IGFL2: variants seen among roughly 807,000 people sequenced by gnomAD.
IGFL2 encodes insulin growth factor-like family member 2.
IGFL2 carries 7 observed loss-of-function variants against 13.9 expected under a neutral mutation model. That is an observed-to-expected ratio of 0.51 (90% CI 0.29 to 0.95). The LOEUF (loss-of-function observed/expected upper bound fraction) is 0.95. Among genes scored for constraint, IGFL2 ranks in the 40% least tolerant of loss-of-function variants. The pLI is 0.08. For synonymous variants in IGFL2, 55 were observed against 55.8 expected, an observed-to-expected ratio of 0.99 and a Z score of 0.07; for missense variants, 138 against 147.8, an observed-to-expected ratio of 0.93 and a Z score of 0.34.
chr19:46,202,024 G>A, the IGFL2 span, among the ~76,000 whole-genome samples: 1 of 152,130 alleles, frequency 6.6e-6, no homozygotes, highest in Non-Finnish European at 1.5e-5. Context: ...GAAGAACTGG[G>A]ACCTCGCTTG....
At chr19:46,131,692 A>T in the IGFL2 span, among the ~76,000 whole-genome samples, 6 of 152,346 alleles carry the variant, frequency 3.9e-5, no homozygotes, top group East Asian at 1.2e-3. Context: ...TAATCGCAGC[A>T]CTTTGGGTGG....
At chr19:46,103,055 A>G in the IGFL2 span, among the ~76,000 whole-genome samples, 1 of 152,142 alleles carries the variant, frequency 6.6e-6, no homozygotes, top group Non-Finnish European at 1.5e-5. Context: ...CAAATAAGAG[A>G]AGGAGAAAAA....
chr19:46,188,413 C>T, the IGFL2 span, among the ~76,000 whole-genome samples: 3 of 151,932 alleles, frequency 2.0e-5, no homozygotes, highest in South Asian at 2.1e-4. Flanking sequence ...TTCCTGTGAC[C>T]GCCCCCCCCA....
downstream of IGFL2, among the ~76,000 whole-genome samples, chr19:46,163,566 G>A (rs563803538): frequency 8.7e-4 from 132 of 152,238 alleles, 2 homozygotes; most frequent in Middle Eastern, 0.017. Context: ...TGAATAAAGC[G>A]CTTAGGGCCT....
the IGFL2 span, among the ~76,000 whole-genome samples, chr19:46,185,087 A>G: frequency 2.6e-5 from 4 of 151,778 alleles, no homozygotes; most frequent in Admixed American, 6.6e-5. Flanking sequence ...CTACTTTTTG[A>G]TGGGGTTTTT....
the IGFL2 span, among the ~76,000 whole-genome samples, chr19:46,187,360 A>G: frequency 2.1e-5 from 3 of 140,940 alleles, no homozygotes; most frequent in Non-Finnish European, 3.1e-5. Flanking sequence ...ACCCGTTTAA[A>G]CCTGAGGTTG....
Position 46,155,055 on chromosome 19 carries a change from C to T in IGFL2, c.20-5360C>T, listed in dbSNP as rs561133020. 8.0e-4 allele frequency among the ~76,000 whole-genome samples: 122 copies of T among 152,208 alleles called. No homozygotes were observed. The Middle Eastern group carries it at 0.017, about 21-fold the overall frequency. On this transcript the variant is annotated intron_variant, in intron 1 of 3. Coordinates refer to ENST00000377693, the MANE Select transcript of IGFL2 (RefSeq NM_001135113.2). ...AGGGGGTGGTAGCTGCTCCTCTTCT[C>T]GGTTTGCCCTTTCTTGTGTGGAACC...
At chr19:46,180,071 A>G in the IGFL2 span, among the ~76,000 whole-genome samples, 1 of 152,206 alleles carries the variant, frequency 6.6e-6, no homozygotes, top group South Asian at 2.1e-4. Flanking sequence ...TATGAGAAAC[A>G]GGAATGCTGC....
At chr19:46,197,687 G>A in the IGFL2 span, among the ~76,000 whole-genome samples, 1 of 151,492 alleles carries the variant, frequency 6.6e-6, no homozygotes, top group African/African-American at 2.4e-5. Flanking sequence ...GTGCACCACT[G>A]TGCCCAGCTA....
At chr19:46,189,960 T>G in the IGFL2 span, 1 of 152,186 alleles carries the variant, frequency 6.6e-6, no homozygotes, top group South Asian at 2.1e-4. Flanking sequence ...TAACACGTCC[T>G]GGGTTGACAG....
chr19:46,192,780 C>G, the IGFL2 span, among the ~76,000 whole-genome samples: 2 of 152,096 alleles, frequency 1.3e-5, no homozygotes, highest in African/African-American at 4.8e-5. Flanking sequence ...TGGAGTCATC[C>G]CAGCCTTTCT....
the IGFL2 span, among the ~76,000 whole-genome samples, chr19:46,091,557 T>C: frequency 1.3e-5 from 2 of 152,246 alleles, no homozygotes; most frequent in Admixed American, 1.3e-4. Context: ...GATAACCTAT[T>C]GTTATATCCT....
the IGFL2 span, among the ~76,000 whole-genome samples, chr19:46,201,107 A>G: frequency 6.6e-6 from 1 of 152,246 alleles, no homozygotes; most frequent in African/African-American, 2.4e-5. Context: ...GCAATGGAGA[A>G]GGAGAACACG....
At chr19:46,154,734 C>G (rs1370117152) in intron 1 of IGFL2, among the ~76,000 whole-genome samples, 1 of 152,204 alleles carries the variant, frequency 6.6e-6, no homozygotes, top group Admixed American at 6.5e-5. Flanking sequence ...CAGGCGTGAG[C>G]CACTGCGCCC....
At chr19:46,108,850 A>G in the IGFL2 span, among the ~76,000 whole-genome samples, 1 of 152,342 alleles carries the variant, frequency 6.6e-6, no homozygotes, top group Admixed American at 6.5e-5. Context: ...CTCTACCAGA[A>G]AGGGAAAGGA....
chr19:46,188,209 C>T, the IGFL2 span, among the ~76,000 whole-genome samples: 6 of 152,156 alleles, frequency 3.9e-5, no homozygotes, highest in African/African-American at 9.7e-5. Flanking sequence ...TGTTCCAGAT[C>T]GGTCCTTGGT....
At chr19:46,190,716 C>A in the IGFL2 span, among the ~76,000 whole-genome samples, 1 of 152,212 alleles carries the variant, frequency 6.6e-6, no homozygotes, top group African/African-American at 2.4e-5. Context: ...TCCTGTGGGG[C>A]AAAGAGCCTT....
chr19:46,199,203 A>G, the IGFL2 span, among the ~76,000 whole-genome samples: 6 of 152,256 alleles, frequency 3.9e-5, no homozygotes, highest in African/African-American at 1.4e-4. Context: ...TGTGACCAGC[A>G]GTGGGTCCTC....
chr19:46,163,335 G>C (rs577882715), downstream of IGFL2, among the ~76,000 whole-genome samples: 2 of 152,296 alleles, frequency 1.3e-5, no homozygotes, highest in South Asian at 4.1e-4. Context: ...TCTTATTAGT[G>C]GTTGTGGCCA....
Sources: allele counts gnomAD v4.1 joint callset (sites outside exome capture counted in the v4.1 genomes callset), GRCh38; gene constraint gnomAD v4.1.1; transcripts MANE v1.5; gene names NCBI Gene and HGNC (gene_info 2026-07-23, HGNC 2026-07-21).